Variants in CLEC12A observed in about 807,000 individuals in gnomAD.
The protein encoded by CLEC12A is C-type lectin domain family 12 member A.
Under a neutral mutation model 26.5 loss-of-function variants are expected in CLEC12A, and 22 were observed. The ratio of observed to expected loss-of-function variants is 0.83; its 90% CI spans 0.59 to 1.19. The LOEUF is 1.19. CLEC12A is among the 50% of genes most tolerant of loss of function. The probability of loss-of-function intolerance (pLI) is 0.00; values close to 1 mark genes in which losing one functional copy is unlikely to be tolerated. For missense variants in CLEC12A, 353 were observed against 315.6 expected (o/e 1.12, Z -0.90); for synonymous variants, 119 against 101.9 (o/e 1.17, Z -1.01).
the CLEC12A span, among the ~76,000 whole-genome samples, chr12:10,002,522 A>C: frequency 0.029 from 1,644 of 56,948 alleles, 18 homozygotes; most frequent in Middle Eastern, 0.07. Flanking sequence ...GGCTCACTGC[A>C]AGCTCCGCCT....
chr12:9,993,415 A>AAC lies in CLEC12A; in HGVS notation n.1005-1602_1005-1601insCA, dbSNP rs1555144608. On this transcript the variant is annotated intron_variant and non_coding_transcript_variant, in intron 4 of 4. Coordinates refer to the CLEC12A transcript ENST00000449959. ...AAATAGGAAAAAAAAACAAAAAAAAAAACGATTCTCATTGTTGAGAAAGTT... is the reference window on the plus strand; with the variant it reads ...AAATAGGAAAAAAAAACAAAAAAAAAACAACGATTCTCATTGTTGAGAAAGTT... 1.1e-3 allele frequency: 724 copies of AAC among 679,676 alleles called. 4 individuals carry two copies. Among genetic ancestry groups the AAC allele is most frequent in the Middle Eastern group, 1.6e-3 (6 of 3,840 alleles). 42.1% of individuals were successfully genotyped at this position (679,676 alleles called of 1,614,324 possible).
At chr12:9,983,409 CTATTT>C in intron 5 of CLEC12A, 1 of 597,442 alleles carries the variant, frequency 1.7e-6, no homozygotes, top group South Asian at 2.1e-5. Context: ...TATAAATATA[CTATTT>C]TAAGTGGATT....
chr12:9,996,796 G>A (rs1310639163), downstream of CLEC12A: 8 of 1,591,094 alleles, frequency 5.0e-6, no homozygotes, highest in Non-Finnish European at 5.2e-6. Flanking sequence ...TGTTACATTT[G>A]AGGTTTCTCT....
At chr12:9,953,681 GC>G (rs1863688069) in intron 1 of CLEC12A, among the ~76,000 whole-genome samples, 1 of 151,624 alleles carries the variant, frequency 6.6e-6, no homozygotes, top group South Asian at 2.1e-4. Flanking sequence ...GAGCCCCTCT[GC>G]CCGGCCACCA....
At chr12:9,952,311 G>C (rs905098916) in intron 1 of CLEC12A, among the ~76,000 whole-genome samples, 5 of 149,888 alleles carry the variant, frequency 3.3e-5, no homozygotes, top group African/African-American at 7.4e-5. Context: ...TCAGCCTGCC[G>C]AGTGCCTGCG....
chr12:9,983,901 T>C (rs1416000737), intron 5 of CLEC12A: 2 of 218,906 alleles, frequency 9.1e-6, no homozygotes, highest in East Asian at 2.5e-4. Context: ...AAGGCCTAAT[T>C]TGTAGTGAAA....
intron 1 of CLEC12A, chr12:9,952,569 G>C (rs1167245467): frequency 3.6e-5 from 6 of 165,632 alleles, no homozygotes; most frequent in African/African-American, 7.6e-5. Flanking sequence ...CCAAAGTGCC[G>C]AGATTGCAGC....
Position 9,982,121 on chromosome 12 carries a change from C to T in CLEC12A, c.633C>T (p.Ser211=). The T allele has an allele frequency of 2.6e-6, 4 of 1,531,316 alleles. No homozygotes were observed. Among genetic ancestry groups the T allele is most frequent in the Non-Finnish European group, 3.6e-6 (4 of 1,105,792 alleles). The allele number at this position is 1,531,316 out of a possible 1,614,324, so 94.9% of individuals were successfully genotyped here. The change falls in exon 5 of 6, where the codon TCC becomes TCT. Residue 211 remains serine (S), a synonymous_variant. Transcript: ENST00000304361. ...RGMRVDNIIN[S]SAWVIRNAPD... The stretch of plus-strand genomic sequence containing the variant: ...TGAGAGTGGATAATATAATCAACTC[C>T]TCTGCCTGGTAAGTGTCTATTCTTG...
chr12:9,965,414 A>G lies in CLEC12A; in HGVS notation c.11-6163A>G, dbSNP rs563844297. On this transcript the variant is annotated intron_variant, in intron 1 of 6. Transcript: ENST00000355690. The stretch of plus-strand genomic sequence containing the variant: ...GAGGAAGAAATTTGGGCTTGACTGA[A>G]GTAATGGGGGCTGTCTGTGAAGCCT... Among the ~76,000 whole-genome samples the G allele has an allele frequency of 2.0e-5, 3 of 151,816 alleles. No individual in the cohort carries two copies. The East Asian group carries it at 5.8e-4, about 30-fold the overall frequency.
upstream of CLEC12A, among the ~76,000 whole-genome samples, chr12:9,967,183 T>G (rs1425566384): frequency 2.0e-5 from 3 of 151,468 alleles, no homozygotes; most frequent in East Asian, 5.9e-4. Context: ...AAAGGAAGAT[T>G]AGAAAGACTC....
chr12:9,981,986 T>C, intron 4 of CLEC12A, 34 bp from the exon 5 acceptor site: 1 of 1,076,860 alleles, frequency 9.3e-7, no homozygotes, highest in Non-Finnish European at 1.4e-6. Context: ...AGTAGGAGAC[T>C]GTTTCTTAAA....
intron 1 of CLEC12A, among the ~76,000 whole-genome samples, chr12:9,965,926 G>A (rs566783182): frequency 2.6e-5 from 4 of 152,148 alleles, no homozygotes; most frequent in African/African-American, 9.6e-5. Flanking sequence ...TTAAGGTGGG[G>A]AGATACAAGG....
intron 1 of CLEC12A, among the ~76,000 whole-genome samples, chr12:9,978,567 A>C: frequency 6.6e-6 from 1 of 152,248 alleles, no homozygotes; most frequent in African/African-American, 2.4e-5. Context: ...TTGTCTACTC[A>C]AGCAAAGACT....
intron 1 of CLEC12A, among the ~76,000 whole-genome samples, chr12:9,978,747 G>C (rs1437500454): frequency 6.6e-6 from 1 of 151,970 alleles, no homozygotes. Flanking sequence ...TCTCCTGCCA[G>C]AATCAATTTA....
chr12:9,994,271 C>T (rs1864974868), intron 4 of CLEC12A, among the ~76,000 whole-genome samples: 1 of 151,980 alleles, frequency 6.6e-6, no homozygotes, highest in Non-Finnish European at 1.5e-5. Context: ...GTAAAGAACA[C>T]TAAGTTGCCT....
the CLEC12A span, among the ~76,000 whole-genome samples, chr12:10,002,660 T>C: frequency 1.3e-5 from 2 of 152,032 alleles, no homozygotes; most frequent in African/African-American, 2.4e-5. Context: ...GCCAGGATGA[T>C]CTCGATCTCC....
the CLEC12A span, among the ~76,000 whole-genome samples, chr12:10,002,440 G>GTTTTTTTTTTTTTTTTTTT: frequency 1.2e-4 from 5 of 40,484 alleles, no homozygotes; most frequent in Non-Finnish European, 2.5e-4. Context: ...GTTGGGTAAT[G>GTTTTTTTTTTTTTTTTTTT]TTTTTTTTTT....
chr12:9,989,745 T>C (rs1025031924), downstream of CLEC12A, among the ~76,000 whole-genome samples: 4 of 152,168 alleles, frequency 2.6e-5, no homozygotes, highest in Admixed American at 2.0e-4. Flanking sequence ...CAGCTTTGTA[T>C]TGGAAAGACA....
At chr12:9,964,475 G>A (rs1235957748) in intron 1 of CLEC12A, among the ~76,000 whole-genome samples, 2 of 152,134 alleles carry the variant, frequency 1.3e-5, no homozygotes, top group Admixed American at 1.3e-4. Context: ...GAATGGGAAT[G>A]AGAATAAGAT....
Sources: gnomAD v4.1 joint callset for allele counts (sites outside exome capture counted in the v4.1 genomes callset) on GRCh38, gnomAD v4.1.1 for gene constraint, MANE v1.5 for transcripts, NCBI Gene and HGNC (gene_info 2026-07-23, HGNC 2026-07-21) for gene names.